FCHSD2: variants seen among roughly 807,000 people sequenced by gnomAD.
FCHSD2 encodes the protein F-BAR and double SH3 domains protein 2.
In FCHSD2, 38 loss-of-function variants were observed where a neutral mutation model predicts 108.1. That is an observed-to-expected ratio of 0.35 (90% CI 0.27 to 0.46). FCHSD2 has a LOEUF of 0.46. Among genes scored for constraint, FCHSD2 ranks in the 20% least tolerant of loss-of-function variants. The pLI, the probability that FCHSD2 is intolerant of heterozygous loss-of-function variation, is 1.00. For synonymous variants in FCHSD2, 279 were observed against 314.7 expected (o/e 0.89, Z 1.20); for missense variants, 751 against 897.8 (o/e 0.84, Z 2.09).
At position 73,142,203 on chromosome 11, in the gene FCHSD2, G is replaced by A. The variant is rs552565207; in HGVS notation, c.-326C>T. Reference sequence around the variant, plus strand: ...AGGGGCGCGAGGGTCTCAGCCGGCCGGGCGGCGGGTTAGCCGCAGCCGCGT... The same window carrying A: ...AGGGGCGCGAGGGTCTCAGCCGGCCAGGCGGCGGGTTAGCCGCAGCCGCGT... On this transcript the variant is annotated 5_prime_UTR_variant, in exon 1 of 20. Coordinates refer to ENST00000409418, the MANE Select transcript of FCHSD2 (RefSeq NM_014824.3). The A allele has an allele frequency of 4.4e-5, 8 of 181,754 alleles. No individual in the cohort carries two copies. In the South Asian group the frequency reaches 5.8e-4, roughly 13 times the overall value. 11.3% of individuals were successfully genotyped at this position (181,754 alleles called of 1,614,324 possible).
intron 14 of FCHSD2, among the ~76,000 whole-genome samples, chr11:72,848,864 C>T (rs1332703048): frequency 6.6e-6 from 1 of 152,124 alleles, no homozygotes; most frequent in Non-Finnish European, 1.5e-5. Context: ...TTATAATACC[C>T]TGTAATACCT....
At chr11:72,903,123 C>G (rs1855559692) in intron 9 of FCHSD2, among the ~76,000 whole-genome samples, 1 of 152,206 alleles carries the variant, frequency 6.6e-6, no homozygotes, top group African/African-American at 2.4e-5. Flanking sequence ...TCAGCACCTT[C>G]TTGAGGAGGT....
At chr11:72,969,391 C>T (rs1394430383) in intron 8 of FCHSD2, among the ~76,000 whole-genome samples, 2 of 152,114 alleles carry the variant, frequency 1.3e-5, no homozygotes, top group Non-Finnish European at 2.9e-5. Context: ...TTAGGTTTTG[C>T]CACCTCAGTT....
rs578153226 is a variant in FCHSD2, at chr11:72,912,325, C to T, written c.828+9503G>A. 6.6e-5 allele frequency among the ~76,000 whole-genome samples: 10 copies of T among 152,184 alleles called. 2 individuals are homozygous for T. Among genetic ancestry groups the T allele is most frequent in the African/African-American group, 2.4e-4 (10 of 41,508 alleles). On this transcript the variant is annotated intron_variant, in intron 9 of 19. Coordinates refer to ENST00000409418, the MANE Select transcript of FCHSD2 (RefSeq NM_014824.3). ...TGTATTGAGATATGTTCCCTCTATACCCAGTTTATTGAGGGGTTTTATCAT... is the reference window on the plus strand; with the variant it reads ...TGTATTGAGATATGTTCCCTCTATATCCAGTTTATTGAGGGGTTTTATCAT...
chr11:73,026,388 A>G (rs572656288), intron 3 of FCHSD2, among the ~76,000 whole-genome samples: 38 of 152,356 alleles, frequency 2.5e-4, no homozygotes, highest in Middle Eastern at 6.8e-3. Flanking sequence ...GAGCAAAATG[A>G]CTGACTGAGA....
chr11:73,106,406 CAAA>C (rs781338343), intron 2 of FCHSD2, among the ~76,000 whole-genome samples: 7 of 65,026 alleles, frequency 1.1e-4, no homozygotes, highest in Non-Finnish European at 1.3e-4. Flanking sequence ...ACTCTGTCTC[CAAA>C]AAAAAAAAAA....
At chr11:73,044,940 C>T (rs572930774) in intron 3 of FCHSD2, among the ~76,000 whole-genome samples, 1 of 151,978 alleles carries the variant, frequency 6.6e-6, no homozygotes, top group East Asian at 1.9e-4. Context: ...TGTGGTGACA[C>T]GTGCCTGTAA....
At chr11:72,874,636 TCAAAG>T (rs1306851279) in intron 12 of FCHSD2, among the ~76,000 whole-genome samples, 3 of 152,272 alleles carry the variant, frequency 2.0e-5, no homozygotes, top group Non-Finnish European at 4.4e-5. Flanking sequence ...TTCTATTTTC[TCAAAG>T]CAGTTATTCA....
chr11:72,921,829 T>G lies in FCHSD2; in HGVS notation c.827A>C (p.Lys276Thr), dbSNP rs761438486. The change falls in exon 9 of 20, where the codon AAG (lysine) becomes ACG (threonine). Residue 276 changes from lysine (K) to threonine (T), a missense_variant and splice_region_variant. Transcript: ENST00000409418. ...CACGTTGCACTAAAGGTAACTTACC[T>G]TGCTGGAGTTTTCTAATAAAAACTG... ...TFQFLLENSSKVVRDYNLQLF... is the reference protein window; with the variant it reads ...TFQFLLENSSTVVRDYNLQLF... 1 of 1,611,454 alleles carries G rather than the reference T, an allele frequency of 6.2e-7. No individual in the cohort carries two copies. The highest frequency in any genetic ancestry group is 2.2e-5 in the East Asian group (1 of 44,854).
chr11:73,038,937 C>T lies in FCHSD2; in HGVS notation c.166-23052G>A, dbSNP rs548910289. Reference sequence around the variant, plus strand: ...CCACTTTAGTGTTCTTTTTCCAGTACATTTTTTTGGCTTGACTTCTGTAAT... The same window carrying T: ...CCACTTTAGTGTTCTTTTTCCAGTATATTTTTTTGGCTTGACTTCTGTAAT... On this transcript the variant is annotated intron_variant, in intron 3 of 19. Coordinates refer to ENST00000409418, the MANE Select transcript of FCHSD2 (RefSeq NM_014824.3). Among the ~76,000 whole-genome samples, 11 of 152,242 alleles carry T rather than the reference C, an allele frequency of 7.2e-5. No homozygotes were observed. In the South Asian group the frequency reaches 1.7e-3, roughly 23 times the overall value.
intron 3 of FCHSD2, among the ~76,000 whole-genome samples, chr11:73,030,348 G>A (rs1858329610): frequency 6.6e-6 from 1 of 152,026 alleles, no homozygotes; most frequent in South Asian, 2.1e-4. Flanking sequence ...ATGCAATAGA[G>A]AGATTATACT....
chr11:73,136,418 C>A (rs921998711), intron 2 of FCHSD2, among the ~76,000 whole-genome samples: 30 of 151,890 alleles, frequency 2.0e-4, no homozygotes, highest in African/African-American at 7.2e-4. Context: ...AAATTAGCCG[C>A]GCACCTGGAG....
At chr11:73,017,696 T>A (rs1858004795) in intron 3 of FCHSD2, among the ~76,000 whole-genome samples, 3 of 152,162 alleles carry the variant, frequency 2.0e-5, no homozygotes, top group Admixed American at 2.0e-4. Context: ...TGTACGGTAG[T>A]TTTTCACCTC....
At chr11:72,934,111 A>G (rs907899764) in intron 8 of FCHSD2, among the ~76,000 whole-genome samples, 1 of 26,200 alleles carries the variant, frequency 3.8e-5, no homozygotes, top group Non-Finnish European at 9.2e-5. Flanking sequence ...ACTGTCTCAG[A>G]AAAAAAAAAA....
intron 4 of FCHSD2, among the ~76,000 whole-genome samples, chr11:73,012,545 T>G (rs1017760231): frequency 6.6e-6 from 1 of 152,168 alleles, no homozygotes; most frequent in Non-Finnish European, 1.5e-5. Context: ...AAAAGTTAAA[T>G]GGAAAATTTT....
intron 3 of FCHSD2, among the ~76,000 whole-genome samples, chr11:73,019,035 C>T (rs551151159): frequency 6.6e-6 from 1 of 152,218 alleles, no homozygotes; most frequent in African/African-American, 2.4e-5. Flanking sequence ...TACTGCCAAA[C>T]AAGTGGCAAA....
intron 9 of FCHSD2, among the ~76,000 whole-genome samples, chr11:72,914,334 T>C (rs1209490163): frequency 6.6e-6 from 1 of 152,184 alleles, no homozygotes; most frequent in East Asian, 1.9e-4. Flanking sequence ...AATTTATAGA[T>C]TCAATGCTAT....
intron 2 of FCHSD2, among the ~76,000 whole-genome samples, chr11:73,085,231 A>T (rs1296579793): frequency 3.3e-5 from 5 of 152,098 alleles, no homozygotes; most frequent in African/African-American, 9.6e-5. Context: ...ATTTTTTTTT[A>T]AATGTTTATT....
In FCHSD2 at chr11:72,957,788, G is replaced by T. The variant is rs903400665; in HGVS notation, c.705+26300C>A. Among the ~76,000 whole-genome samples, 5 of 151,964 alleles carry T rather than the reference G, an allele frequency of 3.3e-5. No individual in the cohort carries two copies. The East Asian group carries it at 7.7e-4, about 23-fold the overall frequency. ...TTTGCTCTCAAATGGATCAGAAAAA[G>T]AATAATGATAATGGATATAGATATT... On this transcript the variant is annotated intron_variant, in intron 8 of 19. Coordinates refer to ENST00000409418, the MANE Select transcript of FCHSD2 (RefSeq NM_014824.3).
Sources: allele counts gnomAD v4.1 joint callset (sites outside exome capture counted in the v4.1 genomes callset), GRCh38; gene constraint gnomAD v4.1.1; transcripts MANE v1.5; gene names NCBI Gene and HGNC (gene_info 2026-07-23, HGNC 2026-07-21).